The following CDH8 variants were observed in gnomAD, a reference collection of about 807,000 sequenced individuals.
The protein encoded by CDH8 is cadherin-8.
In CDH8, 17 loss-of-function variants were observed where a neutral mutation model predicts 68.1. The ratio of observed to expected loss-of-function variants is 0.25; its 90% CI spans 0.17 to 0.37. The LOEUF is 0.37. Ranked by LOEUF, CDH8 falls within the 10% of genes least tolerant of loss-of-function variation. The pLI is 1.00. For missense variants in CDH8, 763 were observed against 999.3 expected (o/e 0.76, Z 3.19); for synonymous variants, 372 against 365.1 (o/e 1.02, Z -0.21).
chr16:61,739,269 T>A (rs1959792224), intron 8 of CDH8, among the ~76,000 whole-genome samples: 1 of 152,160 alleles, frequency 6.6e-6, no homozygotes, highest in African/African-American at 2.4e-5. Flanking sequence ...TTCAGAGGAA[T>A]TAATGTGTCG....
chr16:61,919,785 C>A (rs532628504), intron 2 of CDH8, among the ~76,000 whole-genome samples: 2 of 152,128 alleles, frequency 1.3e-5, no homozygotes, highest in East Asian at 3.9e-4. Context: ...GCAAGGCAGG[C>A]CAACGAACAA....
At chr16:61,872,683 C>G (rs1001839526) in intron 3 of CDH8, among the ~76,000 whole-genome samples, 1 of 152,138 alleles carries the variant, frequency 6.6e-6, no homozygotes, top group African/African-American at 2.4e-5. Flanking sequence ...GTCCAGCTCC[C>G]CATTCCCATC....
intron 2 of CDH8, among the ~76,000 whole-genome samples, chr16:61,914,386 G>A (rs781473637): frequency 2.6e-5 from 4 of 152,140 alleles, no homozygotes; most frequent in Non-Finnish European, 5.9e-5. Context: ...ATGATTCTAG[G>A]TGTGGTAGGT....
At chr16:61,919,404 T>C (rs1964318749) in intron 2 of CDH8, among the ~76,000 whole-genome samples, 1 of 146,528 alleles carries the variant, frequency 6.8e-6, no homozygotes, top group Non-Finnish European at 1.5e-5. Context: ...GGCAAAGAAG[T>C]TGGAAACTTT....
At chr16:61,992,077 T>TGTGTGTGTGTGTGAGAGA (rs34925928) in intron 2 of CDH8, among the ~76,000 whole-genome samples, 18 of 144,244 alleles carry the variant, frequency 1.2e-4, no homozygotes, top group African/African-American at 4.7e-4. Context: ...TGTGTGTGTG[T>TGTGTGTGTGTGTGAGAGA]GAGAGAGAGA....
intron 1 of CDH8, among the ~76,000 whole-genome samples, chr16:62,029,728 C>G (rs72787512): frequency 0.026 from 3,973 of 152,316 alleles, 79 homozygotes; most frequent in Middle Eastern, 0.041. Context: ...TAATCATCTA[C>G]ATTCCTGTGA....
intron 8 of CDH8, among the ~76,000 whole-genome samples, chr16:61,779,850 G>T (rs1043480915): frequency 6.6e-6 from 1 of 151,982 alleles, no homozygotes; most frequent in African/African-American, 2.4e-5. Context: ...AAACCGTTTC[G>T]TTCACTTGAT....
rs556095538 is a variant in CDH8, at chr16:61,866,539, T to C, written c.548-9301A>G. On this transcript the variant is annotated intron_variant, in intron 3 of 11. Coordinates refer to ENST00000577390, the MANE Select transcript of CDH8 (RefSeq NM_001796.5). The stretch of plus-strand genomic sequence containing the variant: ...ACACTATATACATACTACATATACA[T>C]ATAAAATTGTAGCATACATAGAATT... Among the ~76,000 whole-genome samples, 616 of 152,062 alleles carry C rather than the reference T, an allele frequency of 4.1e-3. 7 individuals carry two copies. Among genetic ancestry groups the C allele is most frequent in the South Asian group, 0.017 (81 of 4,822 alleles).
chr16:61,665,039 C>A (rs1310388939), intron 10 of CDH8, among the ~76,000 whole-genome samples: 1 of 151,854 alleles, frequency 6.6e-6, no homozygotes, highest in Non-Finnish European at 1.5e-5. Context: ...AAGCTATAAC[C>A]CTCAGTTTGC....
intron 2 of CDH8, among the ~76,000 whole-genome samples, chr16:62,008,060 G>A (rs1251045684): frequency 1.3e-5 from 2 of 151,604 alleles, no homozygotes; most frequent in Non-Finnish European, 2.9e-5. Flanking sequence ...TCAGCCTCTG[G>A]AGTAGCTGGA....
intron 10 of CDH8, among the ~76,000 whole-genome samples, chr16:61,664,300 A>G (rs1236201066): frequency 6.6e-6 from 1 of 152,042 alleles, no homozygotes; most frequent in Non-Finnish European, 1.5e-5. Flanking sequence ...TCAAAACACT[A>G]TTACAAAGAA....
intron 2 of CDH8, among the ~76,000 whole-genome samples, chr16:62,011,590 G>A (rs936295382): frequency 6.6e-6 from 1 of 152,188 alleles, no homozygotes. Context: ...GGGGTTGATT[G>A]ATGATTGGCT....
chr16:61,775,639 TTGAGAA>T (rs1960882299), intron 8 of CDH8, among the ~76,000 whole-genome samples: 1 of 151,960 alleles, frequency 6.6e-6, no homozygotes, highest in Non-Finnish European at 1.5e-5. Context: ...TCTTGTAACA[TTGAGAA>T]CATAATTAAA....
Position 61,653,165 on chromosome 16 carries a change from A to C in CDH8, c.*443T>G. Reference sequence around the variant, plus strand: ...CTTTATCATTTGTGGCGGGATCCTTATTGGTGAAGGGGAAAAAACCATTTG... The same window carrying C: ...CTTTATCATTTGTGGCGGGATCCTTCTTGGTGAAGGGGAAAAAACCATTTG... On this transcript the variant is annotated 3_prime_UTR_variant, in exon 12 of 12. Transcript: ENST00000577390. 1 of 1,229,502 alleles carries C rather than the reference A, an allele frequency of 8.1e-7. No homozygotes were observed. Among genetic ancestry groups the C allele is most frequent in the Non-Finnish European group, 1.0e-6 (1 of 987,158 alleles). 76.2% of individuals were successfully genotyped at this position (1,229,502 alleles called of 1,614,324 possible).
chr16:61,653,488 T>G lies in CDH8; in HGVS notation c.*120A>C. The stretch of plus-strand genomic sequence containing the variant: ...TTCAACATTAAAATGTGGTTGAGTT[T>G]ATAGATGACTGGTGCTAAACTTGCC... On this transcript the variant is annotated 3_prime_UTR_variant, in exon 12 of 12. Transcript: ENST00000577390. 1 of 1,488,226 alleles carries G rather than the reference T, an allele frequency of 6.7e-7. No individual in the cohort carries two copies. The highest frequency in any genetic ancestry group is 8.9e-7 in the Non-Finnish European group (1 of 1,120,638). The allele number at this position is 1,488,226 out of a possible 1,614,324, so 92.2% of individuals were successfully genotyped here.
Position 61,669,010 on chromosome 16 carries a change from TA to T in CDH8, c.1655-13290del, listed in dbSNP as rs1459172043. 2.9e-4 allele frequency among the ~76,000 whole-genome samples: 44 copies of T among 152,174 alleles called. 1 individual carries two copies. Among genetic ancestry groups the T allele is most frequent in the African/African-American group, 1.0e-3 (43 of 41,530 alleles). On this transcript the variant is annotated intron_variant, in intron 10 of 11. Coordinates refer to ENST00000577390, the MANE Select transcript of CDH8 (RefSeq NM_001796.5). ...ATATTGAAATCTTTAATACTGTGAA[TA>T]GAGAGCTGAAGATATGAAAGAAACT...
chr16:61,985,112 C>T (rs1010726485), intron 2 of CDH8, among the ~76,000 whole-genome samples: 1 of 150,416 alleles, frequency 6.6e-6, no homozygotes, highest in Admixed American at 6.7e-5. Flanking sequence ...TCAAGAATGT[C>T]GGTTTTTTTT....
intron 2 of CDH8, among the ~76,000 whole-genome samples, chr16:61,911,016 T>A (rs537728101): frequency 9.2e-5 from 14 of 152,250 alleles, no homozygotes; most frequent in African/African-American, 3.1e-4. Flanking sequence ...TACTTAATAA[T>A]TATAAGCCTA....
At chr16:61,959,611 TAC>T (rs1176599105) in intron 2 of CDH8, among the ~76,000 whole-genome samples, 1 of 151,256 alleles carries the variant, frequency 6.6e-6, no homozygotes, top group Non-Finnish European at 1.5e-5. Flanking sequence ...TATATATATA[TAC>T]GCATACATAT....
Sources: allele counts gnomAD v4.1 joint callset (sites outside exome capture counted in the v4.1 genomes callset), GRCh38; gene constraint gnomAD v4.1.1; transcripts MANE v1.5; gene names NCBI Gene and HGNC (gene_info 2026-07-23, HGNC 2026-07-21).